The following PAK5 variants were observed in gnomAD, a reference collection of about 807,000 sequenced individuals.
PAK5 encodes serine/threonine-protein kinase PAK 5.
In PAK5, 16 loss-of-function variants were observed where a neutral mutation model predicts 65.9. The ratio of observed to expected loss-of-function variants is 0.24; its 90% CI spans 0.16 to 0.37. The LOEUF (loss-of-function observed/expected upper bound fraction) is 0.37, where lower values mean the gene tolerates loss of function less well. Ranked by LOEUF, PAK5 falls within the 10% of genes least tolerant of loss-of-function variation. The probability of loss-of-function intolerance (pLI) is 1.00; values close to 1 mark genes in which losing one functional copy is unlikely to be tolerated. For synonymous variants in PAK5, 371 were observed against 354.9 expected, an observed-to-expected ratio of 1.05 and a Z score of -0.51; for missense variants, 785 against 903.9, an observed-to-expected ratio of 0.87 and a Z score of 1.69.
chr20:9,588,234 T>TA (rs1181120986), intron 3 of PAK5, among the ~76,000 whole-genome samples: 4 of 152,068 alleles, frequency 2.6e-5, no homozygotes, highest in East Asian at 1.9e-4. Context: ...CACCCAATAG[T>TA]AAAAAAATGA....
rs906507714 is a variant in PAK5, at chr20:9,559,761, C to CA, written c.1617-2028dup. On this transcript the variant is annotated intron_variant, in intron 6 of 9. Coordinates refer to ENST00000353224, the MANE Select transcript of PAK5 (RefSeq NM_177990.4). The stretch of plus-strand genomic sequence containing the variant: ...TAGGCGACAGAGTGAGGCTCTGTTT[C>CA]AAAAAAAAAAAGAAAGCAAAAGAGG... Among the ~76,000 whole-genome samples, 803 of 140,464 alleles carry CA rather than the reference C, an allele frequency of 5.7e-3. 2 individuals are homozygous for CA. Among genetic ancestry groups the CA allele is most frequent in the African/African-American group, 0.019 (726 of 38,338 alleles). The allele number at this position is 140,464 out of a possible 152,430, so 92.1% of individuals were successfully genotyped here. A position where few individuals can be genotyped will look rare whatever the true frequency, so the allele number is the denominator to read the frequency against.
chr20:9,594,814 T>A (rs563059682), intron 3 of PAK5, among the ~76,000 whole-genome samples: 1 of 152,300 alleles, frequency 6.6e-6, no homozygotes, highest in East Asian at 1.9e-4. Context: ...CAACTTCTGC[T>A]TCGACAGCCC....
intron 1 of PAK5, among the ~76,000 whole-genome samples, chr20:9,822,117 A>T (rs1329228442): frequency 6.6e-6 from 1 of 151,916 alleles, no homozygotes; most frequent in African/African-American, 2.4e-5. Flanking sequence ...GGTGAACCCC[A>T]TCTCTACTAA....
intron 1 of PAK5, among the ~76,000 whole-genome samples, chr20:9,827,700 T>C (rs894508742): frequency 3.3e-5 from 5 of 152,156 alleles, no homozygotes; most frequent in East Asian, 1.9e-4. Flanking sequence ...CAGAAGATCA[T>C]TTTGGAGGTA....
intron 3 of PAK5, among the ~76,000 whole-genome samples, chr20:9,592,668 T>C (rs972226098): frequency 3.3e-5 from 5 of 152,194 alleles, no homozygotes; most frequent in African/African-American, 1.2e-4. Context: ...TCTGCAAAGG[T>C]GGGACATTGG....
intron 3 of PAK5, among the ~76,000 whole-genome samples, chr20:9,640,293 T>C (rs1438976121): frequency 6.8e-6 from 1 of 147,606 alleles, no homozygotes; most frequent in Admixed American, 6.8e-5. Flanking sequence ...TTCCCACCTA[T>C]GAGTGAGAAC....
chr20:9,607,065 T>C (rs2046468196), intron 3 of PAK5, among the ~76,000 whole-genome samples: 1 of 152,234 alleles, frequency 6.6e-6, no homozygotes, highest in South Asian at 2.1e-4. Flanking sequence ...TATTCTCTAC[T>C]AACTTCCTCC....
intron 2 of PAK5, among the ~76,000 whole-genome samples, chr20:9,687,335 C>T (rs1484865401): frequency 2.0e-5 from 3 of 152,204 alleles, no homozygotes; most frequent in Non-Finnish European, 4.4e-5. Context: ...ATCATCCCTC[C>T]TGGATATCTT....
At chr20:9,701,133 G>A (rs545501846) in intron 2 of PAK5, among the ~76,000 whole-genome samples, 2 of 152,054 alleles carry the variant, frequency 1.3e-5, no homozygotes, top group Admixed American at 6.6e-5. Flanking sequence ...ACCCTGCTCC[G>A]CCCTTTGACG....
chr20:9,801,514 TAC>T (rs896021109), intron 1 of PAK5, among the ~76,000 whole-genome samples: 1 of 150,734 alleles, frequency 6.6e-6, no homozygotes, highest in Admixed American at 6.6e-5. Flanking sequence ...ATTATAGATA[TAC>T]ACACACACAT....
intron 2 of PAK5, among the ~76,000 whole-genome samples, chr20:9,654,895 T>C (rs959666357): frequency 6.6e-6 from 1 of 152,212 alleles, no homozygotes; most frequent in African/African-American, 2.4e-5. Flanking sequence ...TGGAACTTCC[T>C]TAGGGAGGCC....
intron 2 of PAK5, among the ~76,000 whole-genome samples, chr20:9,692,269 A>T (rs948172794): frequency 1.2e-4 from 18 of 152,220 alleles, no homozygotes; most frequent in Non-Finnish European, 1.6e-4. Flanking sequence ...CTTTGTGTGA[A>T]AGCAATAAGA....
intron 1 of PAK5, among the ~76,000 whole-genome samples, chr20:9,742,165 T>TC (rs920817036): frequency 9.9e-5 from 15 of 151,218 alleles, no homozygotes; most frequent in Non-Finnish European, 1.6e-4. Context: ...ATAAGGATCC[T>TC]CCCCCCACCC....
intron 1 of PAK5, among the ~76,000 whole-genome samples, chr20:9,718,631 CATTAG>C (rs773063835): frequency 5.3e-5 from 8 of 152,028 alleles, no homozygotes; most frequent in Admixed American, 4.6e-4. Flanking sequence ...AACTCTGAGA[CATTAG>C]ATTAAGAGGA....
At chr20:9,781,875 G>GGAACAC (rs1174229203) in intron 1 of PAK5, among the ~76,000 whole-genome samples, 1 of 152,088 alleles carries the variant, frequency 6.6e-6, no homozygotes, top group African/African-American at 2.4e-5. Context: ...TAAATGTATT[G>GGAACAC]GAACAGGTCT....
chr20:9,586,055 GCTAC>G (rs1486774226), intron 3 of PAK5, among the ~76,000 whole-genome samples: 1 of 152,158 alleles, frequency 6.6e-6, no homozygotes. Flanking sequence ...GCCTTCAGAT[GCTAC>G]CATCTTTGGG....
chr20:9,815,962 A>C (rs1187734582), intron 1 of PAK5, among the ~76,000 whole-genome samples: 1 of 152,168 alleles, frequency 6.6e-6, no homozygotes, highest in East Asian at 1.9e-4. Flanking sequence ...CCATTCAGAG[A>C]GCTCCAAAGT....
chr20:9,722,760 G>A (rs1171478681), intron 1 of PAK5, among the ~76,000 whole-genome samples: 3 of 146,826 alleles, frequency 2.0e-5, no homozygotes, highest in African/African-American at 7.6e-5. Context: ...TTTTTTTTTA[G>A]AAGGCTTGCT....
At chr20:9,556,127 A>G (rs1419366764) in intron 7 of PAK5, among the ~76,000 whole-genome samples, 4 of 152,238 alleles carry the variant, frequency 2.6e-5, no homozygotes, top group African/African-American at 9.6e-5. Flanking sequence ...GAGTGGATGT[A>G]GCAAAACCTG....
Sources: allele counts gnomAD v4.1 joint callset (sites outside exome capture counted in the v4.1 genomes callset), GRCh38; gene constraint gnomAD v4.1.1; transcripts MANE v1.5; gene names NCBI Gene and HGNC (gene_info 2026-07-23, HGNC 2026-07-21).